The following ITGB3 variants were observed in gnomAD, a reference collection of about 807,000 sequenced individuals.
The protein encoded by ITGB3 is integrin subunit beta 3, also known as integrin beta-3.
In ITGB3, 48 loss-of-function variants were observed where a neutral mutation model predicts 85.8. That is an observed-to-expected ratio of 0.56 (90% CI 0.44 to 0.71). The LOEUF is 0.71. Among genes scored for constraint, ITGB3 ranks in the 30% least tolerant of loss-of-function variants. The pLI, the probability that ITGB3 is intolerant of heterozygous loss-of-function variation, is 0.00. For synonymous variants in ITGB3, 363 were observed against 395.6 expected (o/e 0.92, Z 0.98); for missense variants, 861 against 1,019.1 (o/e 0.84, Z 2.11).
chr17:47,290,490 A>AGATGGG (rs1453800361), intron 8 of ITGB3, among the ~76,000 whole-genome samples: 5 of 147,824 alleles, frequency 3.4e-5, no homozygotes, highest in African/African-American at 4.9e-5. Flanking sequence ...GAAGGAAAGA[A>AGATGGG]GATGGGGATG....
At chr17:47,284,740 G>T (rs200333116) in intron 4 of ITGB3, 45 bp downstream of exon 4, 1 of 1,613,066 alleles carries the variant, frequency 6.2e-7, no homozygotes, top group Non-Finnish European at 8.5e-7. Context: ...TTTGCCCCAG[G>T]AAGGTCCAAG....
At chr17:47,309,513 G>A (rs926837519) in intron 14 of ITGB3, among the ~76,000 whole-genome samples, 6 of 152,128 alleles carry the variant, frequency 3.9e-5, no homozygotes, top group East Asian at 3.8e-4. Context: ...CAAAAGAGAC[G>A]GGGACACAGG....
At chr17:47,287,439 G>A (rs150261768) in intron 6 of ITGB3, among the ~76,000 whole-genome samples, 58 of 152,274 alleles carry the variant, frequency 3.8e-4, no homozygotes, top group African/African-American at 1.4e-3. Flanking sequence ...CCTGATTGTG[G>A]TGTTATCACT....
Position 47,300,507 on chromosome 17 carries a change from G to C in ITGB3, c.1943G>C (p.Arg648Pro), listed in dbSNP as rs1282245056. ...KECVECKKFD[R>P]GALHDENTCN... is the part of the protein sequence containing the mutation. ...TGTGTGGAGTGTAAGAAGTTTGACCGGGGAGCCCTACATGACGAAAATACC... is the reference window on the plus strand; with the variant it reads ...TGTGTGGAGTGTAAGAAGTTTGACCCGGGAGCCCTACATGACGAAAATACC... Residue 648 changes from arginine to proline, a missense_variant, in exon 12 of 15, where the codon CGG (arginine) becomes CCG (proline). Arg to Pro is a moderately radical substitution (Grantham distance 103). Coordinates refer to ENST00000559488, the MANE Select transcript of ITGB3 (RefSeq NM_000212.3). The C allele has an allele frequency of 6.2e-7, 1 of 1,613,932 alleles. No individual in the cohort carries two copies. The highest frequency in any genetic ancestry group is 1.1e-5 in the South Asian group (1 of 91,068).
In ITGB3 at chr17:47,274,483, G is replaced by C; in HGVS notation, c.144G>C (p.Met48Ile). The change falls in exon 2 of 15, where the codon ATG (methionine) becomes ATC (isoleucine). Residue 48 changes from methionine (M) to isoleucine (I), a missense_variant. By Grantham distance (10) the Met-to-Ile change is conservative. Transcript: ENST00000559488. ...AGCAGTGCCTGGCTGTGAGCCCCAT[G>C]TGTGCCTGGTGCTCTGATGAGGTAA... ...SCQQCLAVSP[M>I]CAWCSDEALP... 6.2e-7 allele frequency: 1 copy of C among 1,613,910 alleles called. No individual in the cohort carries two copies. Among genetic ancestry groups the C allele is most frequent in the Non-Finnish European group, 8.5e-7 (1 of 1,179,954 alleles).
At chr17:47,273,325 G>A (rs2065051979) in intron 1 of ITGB3, among the ~76,000 whole-genome samples, 1 of 152,180 alleles carries the variant, frequency 6.6e-6, no homozygotes, top group South Asian at 2.1e-4. Context: ...GAGCTGTCAG[G>A]GTAACTGGGT....
chr17:47,291,332 T>C, intron 9 of ITGB3: 1 of 604,876 alleles, frequency 1.7e-6, no homozygotes, highest in South Asian at 2.0e-5. Flanking sequence ...TTGAAAAACT[T>C]ACAATTTGGT....
intron 1 of ITGB3, among the ~76,000 whole-genome samples, chr17:47,260,641 C>G (rs1011174916): frequency 1.3e-5 from 2 of 152,258 alleles, no homozygotes; most frequent in Middle Eastern, 3.4e-3. Context: ...CAGGTTGAGC[C>G]TTTGCTGGAG....
At chr17:47,268,953 G>A (rs957929127) in intron 1 of ITGB3, among the ~76,000 whole-genome samples, 1 of 152,252 alleles carries the variant, frequency 6.6e-6, no homozygotes, top group African/African-American at 2.4e-5. Flanking sequence ...CTGAAATCTA[G>A]GCAGAGGTTC....
At position 47,278,732 on chromosome 17, in the gene ITGB3, T is replaced by G. The variant is rs1370870180; in HGVS notation, c.165+4228T>G. Among the ~76,000 whole-genome samples the G allele has an allele frequency of 2.6e-5, 4 of 152,282 alleles. No homozygotes were observed. The East Asian group carries it at 7.7e-4, about 29-fold the overall frequency. ...GGTGAGTGAGCATTACCGCCTGAGC[T>G]CCACCTTCTGTCAGATCCGTGGTGG... On this transcript the variant is annotated intron_variant, in intron 2 of 14. Coordinates refer to ENST00000559488, the MANE Select transcript of ITGB3 (RefSeq NM_000212.3).
intron 1 of ITGB3, among the ~76,000 whole-genome samples, chr17:47,271,813 T>C (rs1039262882): frequency 1.3e-5 from 2 of 152,172 alleles, no homozygotes; most frequent in African/African-American, 4.8e-5. Flanking sequence ...TGGCATGATA[T>C]CGGCTCACTG....
At chr17:47,281,684 C>T (rs777429490) in intron 2 of ITGB3, among the ~76,000 whole-genome samples, 2 of 152,146 alleles carry the variant, frequency 1.3e-5, no homozygotes, top group Non-Finnish European at 2.9e-5. Flanking sequence ...AGGATGGGCT[C>T]TGGTTAGGTG....
chr17:47,282,951 A>G (rs1878067), intron 2 of ITGB3, among the ~76,000 whole-genome samples: 17,116 of 152,236 alleles, frequency 0.11, 1,222 homozygotes, highest in East Asian at 0.24. Context: ...GGACCCACAA[A>G]TGTGTGGTAT....
At chr17:47,286,549 T>C (rs376931677) in intron 5 of ITGB3, 127 bp downstream of exon 5, 9 of 1,168,326 alleles carry the variant, frequency 7.7e-6, no homozygotes, top group East Asian at 4.7e-5. Context: ...CCTGCAGTTA[T>C]GAGTAGTAAG....
At chr17:47,255,646 T>C (rs963899663) in intron 1 of ITGB3, among the ~76,000 whole-genome samples, 26 of 151,646 alleles carry the variant, frequency 1.7e-4, no homozygotes, top group Middle Eastern at 3.4e-3. Flanking sequence ...GATCTCGATC[T>C]CTTGACCCCG....
At chr17:47,268,620 G>T (rs2065033847) in intron 1 of ITGB3, among the ~76,000 whole-genome samples, 1 of 152,224 alleles carries the variant, frequency 6.6e-6, no homozygotes, top group African/African-American at 2.4e-5. Context: ...GATGCAAGAG[G>T]TGGTCTCCCA....
rs2065106192 is a variant in ITGB3 at position 47,287,239 on chromosome 17, C to T, written c.939+8C>T. Reference sequence around the variant, plus strand: ...TCTGCCTCCACTACCATGGTGAGATCTCTGGCACCACCTATGGTTTCTATT... The same window carrying T: ...TCTGCCTCCACTACCATGGTGAGATTTCTGGCACCACCTATGGTTTCTATT... On this transcript the variant is annotated splice_region_variant and intron_variant, in intron 6 of 14. Coordinates refer to ENST00000559488, the MANE Select transcript of ITGB3 (RefSeq NM_000212.3). 1.2e-6 allele frequency: 2 copies of T among 1,613,616 alleles called. No homozygotes were observed. Among genetic ancestry groups the T allele is most frequent in the African/African-American group, 1.3e-5 (1 of 75,020 alleles).
chr17:47,291,391 T>C (rs2065125059), intron 9 of ITGB3: 2 of 568,966 alleles, frequency 3.5e-6, no homozygotes, highest in Admixed American at 6.6e-5. Flanking sequence ...AATATTTCTT[T>C]ACCTTCAGTC....
At chr17:47,261,224 G>C (rs1478808154) in intron 1 of ITGB3, among the ~76,000 whole-genome samples, 1 of 152,072 alleles carries the variant, frequency 6.6e-6, no homozygotes, top group Non-Finnish European at 1.5e-5. Flanking sequence ...GCAGACTCTG[G>C]GGAGCCTACA....
Sources: gnomAD v4.1 joint callset for allele counts (sites outside exome capture counted in the v4.1 genomes callset) on GRCh38, gnomAD v4.1.1 for gene constraint, MANE v1.5 for transcripts, NCBI Gene and HGNC (gene_info 2026-07-23, HGNC 2026-07-21) for gene names.